TCHP: variants seen among roughly 807,000 people sequenced by gnomAD.
TCHP encodes the protein trichoplein keratin filament binding, also known as trichoplein keratin filament-binding protein.
A neutral mutation model predicts 88.7 loss-of-function variants in TCHP; 81 were observed. That is an observed-to-expected ratio of 0.91 (90% CI 0.76 to 1.10). The LOEUF (loss-of-function observed/expected upper bound fraction) is 1.10, where lower values mean the gene tolerates loss of function less well. Among genes scored for constraint, TCHP ranks in the 50% least tolerant of loss-of-function variants. The pLI is 0.00. For missense variants in TCHP, 641 were observed against 632.1 expected, an observed-to-expected ratio of 1.01 and a Z score of -0.15; for synonymous variants, 232 against 232.5, an observed-to-expected ratio of 1.00 and a Z score of 0.02.
chr12:109,901,533 TAA>T (rs2136065003), intron 1 of TCHP, among the ~76,000 whole-genome samples: 1 of 152,316 alleles, frequency 6.6e-6, no homozygotes, highest in East Asian at 1.9e-4. Flanking sequence ...AATTAACTGA[TAA>T]GGTACTGAAA....
At chr12:109,881,679 G>A in the TCHP span, among the ~76,000 whole-genome samples, 1 of 152,150 alleles carries the variant, frequency 6.6e-6, no homozygotes, top group Non-Finnish European at 1.5e-5. Flanking sequence ...AACAGCTGGA[G>A]CCAGCCCAGT....
the TCHP span, among the ~76,000 whole-genome samples, chr12:109,884,435 GC>G: frequency 6.6e-6 from 1 of 152,072 alleles, no homozygotes; most frequent in African/African-American, 2.4e-5. Flanking sequence ...TGATCCACCT[GC>G]CTCAGCCTCT....
Position 109,903,949 on chromosome 12 carries a change from T to C in TCHP, c.201T>C (p.Tyr67=), listed in dbSNP as rs1319226881. 9 of 1,607,446 alleles carry C rather than the reference T, an allele frequency of 5.6e-6. No homozygotes were observed. The highest frequency in any genetic ancestry group is 7.6e-6 in the Non-Finnish European group (9 of 1,177,648). Residue 67 remains tyrosine, a synonymous_variant, in exon 3 of 13, where the codon TAT becomes TAC. Coordinates refer to ENST00000405876, the MANE Select transcript of TCHP (RefSeq NM_001143852.2). This position sits in a 1 kb window ranked among gnomAD's most constrained non-coding sequence, Gnocchi z 4.6. Reference sequence around the variant, plus strand: ...CCCTCTCACCCAGCATGCATGCCTATCAGCGGGAGAAGATGAAGGAGGAGA... The same window carrying C: ...CCCTCTCACCCAGCATGCATGCCTACCAGCGGGAGAAGATGAAGGAGGAGA... ...KTSYQRSMHA[Y]QREKMKEEKR... is the part of the protein sequence containing the mutation.
rs749093678 is a variant in TCHP at position 109,906,632 on chromosome 12, A to G, written c.517A>G (p.Lys173Glu). The part of the protein sequence containing the change: ...VNSWEMQKEE[K>E]KQQEATAEQE... ...CTCTTGGGAAATGCAGAAAGAAGAAAAAAAACAGGTGTGGTATGTGGCTCT... is the reference window on the plus strand; with the variant it reads ...CTCTTGGGAAATGCAGAAAGAAGAAGAAAAACAGGTGTGGTATGTGGCTCT... Residue 173 changes from lysine (K) to glutamate (E), a missense_variant, in exon 5 of 13, where the codon AAA (lysine) becomes GAA (glutamate). By Grantham distance (56) the Lys-to-Glu change is moderately conservative. Transcript: ENST00000405876. 2.5e-6 allele frequency: 4 copies of G among 1,608,346 alleles called. No homozygotes were observed. The highest frequency in any genetic ancestry group is 2.2e-5 in the South Asian group (2 of 91,078).
In TCHP at chr12:109,903,818, GAC is replaced by G; in HGVS notation, c.189-115_189-114del. 1.3e-6 allele frequency: 1 copy of G among 793,554 alleles called. No individual in the cohort carries two copies. Among genetic ancestry groups the G allele is most frequent in the Non-Finnish European group, 2.1e-6 (1 of 476,684 alleles). 49.2% of individuals were successfully genotyped at this position (793,554 alleles called of 1,614,324 possible). A position where few individuals can be genotyped will look rare whatever the true frequency, so the allele number is the denominator to read the frequency against. On this transcript the variant is annotated intron_variant, in intron 2 of 12. Coordinates refer to ENST00000405876, the MANE Select transcript of TCHP (RefSeq NM_001143852.2). This position sits in a 1 kb window ranked among gnomAD's most constrained non-coding sequence, Gnocchi z 4.6. ...ACCTGCTGTCTCTGCTTTGGCTGGG[GAC>G]ACATTCCTGTGTCGTCATGACACAT...
At chr12:109,893,938 C>T in the TCHP span, among the ~76,000 whole-genome samples, 12 of 152,096 alleles carry the variant, frequency 7.9e-5, no homozygotes, top group South Asian at 8.3e-4. Flanking sequence ...AATTCCAGGA[C>T]TTTGGGAGGT....
intron 6 of TCHP, 95 bp downstream of exon 6, chr12:109,907,794 C>T (rs1870232336): frequency 3.6e-6 from 5 of 1,381,702 alleles, no homozygotes; most frequent in Middle Eastern, 5.2e-4. Context: ...GAGGCCATAG[C>T]AGGGCTGAGA....
chr12:109,903,141 C>A lies in TCHP; in HGVS notation c.115C>A (p.Arg39Ser). The A allele has an allele frequency of 6.2e-7, 1 of 1,613,942 alleles. No homozygotes were observed. The highest frequency in any genetic ancestry group is 8.5e-7 in the Non-Finnish European group (1 of 1,179,874). ...RLRQQWEQNS[R>S]YFRMSDICSS... ...TCGGCAGCAGTGGGAGCAGAACAGC[C>A]GTTACTTCAGGATGTCTGACATCTG... The change falls in exon 2 of 13, where the codon CGT becomes AGT. Residue 39 changes from arginine to serine, a missense_variant. Physicochemically the swap from Arg to Ser is moderately radical, Grantham distance 110 (BLOSUM62 -1). Transcript: ENST00000405876. The surrounding 1 kb of genome is among the most constrained non-coding windows in gnomAD (Gnocchi z 4.6).
intron 1 of TCHP, among the ~76,000 whole-genome samples, chr12:109,901,786 C>A (rs1396782730): frequency 6.6e-6 from 1 of 152,228 alleles, no homozygotes; most frequent in Non-Finnish European, 1.5e-5. Context: ...CCCTCCCCTT[C>A]CTAAACCAAA....
At chr12:109,915,228 T>C in intron 11 of TCHP, 175 bp from the exon 12 acceptor site, 3 of 796,954 alleles carry the variant, frequency 3.8e-6, no homozygotes, top group Non-Finnish European at 6.2e-6. Context: ...GTACACACCA[T>C]GCATACAGCC....
rs1249169516 is a variant in TCHP at position 109,904,125 on chromosome 12, C to T, written c.377C>T (p.Ala126Val). 2 of 1,577,746 alleles carry T rather than the reference C, an allele frequency of 1.3e-6. No homozygotes were observed. Among genetic ancestry groups the T allele is most frequent in the South Asian group, 1.2e-5 (1 of 86,264 alleles). ...GAGCAGCACGGGAAGCTGAAATCAG[C>T]CAAAGAAGAGCAGAGGAAACTGGTA... is the stretch of plus-strand genomic sequence containing the variant. ...IREQHGKLKS[A>V]KEEQRKLIAE... The change falls in exon 3 of 13, where the codon GCC becomes GTC. Residue 126 changes from alanine (A) to valine (V), a missense_variant. Transcript: ENST00000405876.
chr12:109,885,549 C>G, the TCHP span, among the ~76,000 whole-genome samples: 2 of 138,370 alleles, frequency 1.4e-5, no homozygotes, highest in Non-Finnish European at 3.0e-5. Flanking sequence ...GTGGCACAAT[C>G]TCGGCTCACT....
chr12:109,902,879 TTTTGTTTG>T, intron 1 of TCHP, 140 bp from the exon 2 acceptor site: 1 of 556,292 alleles, frequency 1.8e-6, no homozygotes, highest in Non-Finnish European at 3.0e-6. Flanking sequence ...TCAGACACGG[TTTTGTTTG>T]TTTGTTTGTT....
the TCHP span, among the ~76,000 whole-genome samples, chr12:109,884,017 C>A: frequency 6.6e-6 from 1 of 151,888 alleles, no homozygotes; most frequent in African/African-American, 2.4e-5. Context: ...GAACTGGGGG[C>A]CACATAGCCC....
At chr12:109,886,408 G>T in the TCHP span, among the ~76,000 whole-genome samples, 1 of 152,132 alleles carries the variant, frequency 6.6e-6, no homozygotes, top group African/African-American at 2.4e-5. Flanking sequence ...AAAGTGCTGG[G>T]ATTACAGGCG....
chr12:109,907,594 G>T lies in TCHP; in HGVS notation c.594G>T (p.Ala198=), dbSNP rs142930724. 3.1e-6 allele frequency: 5 copies of T among 1,614,134 alleles called. No homozygotes were observed. In the African/African-American group the frequency reaches 6.7e-5, roughly 22 times the overall value. The change falls in exon 6 of 13, where the codon GCG becomes GCT. Residue 198 remains alanine, a synonymous_variant. Coordinates refer to ENST00000405876, the MANE Select transcript of TCHP (RefSeq NM_001143852.2). ...ENEYERARRE[A]LERMKAEEER... ...AATATGAAAGGGCCCGAAGGGAGGC[G>T]CTAGAAAGGATGAAAGCTGAAGAGG...
chr12:109,909,156 A>G (rs1870337973), intron 8 of TCHP, among the ~76,000 whole-genome samples: 1 of 152,170 alleles, frequency 6.6e-6, no homozygotes, highest in African/African-American at 2.4e-5. Context: ...TATTCTTGAA[A>G]TTTGCTAAGA....
Position 109,916,589 on chromosome 12 carries a change from A to G in TCHP, c.1465-2A>G, listed in dbSNP as rs951792036. The G allele has an allele frequency of 1.9e-6, 3 of 1,612,814 alleles. No homozygotes were observed. Among genetic ancestry groups the G allele is most frequent in the Admixed American group, 3.3e-5 (2 of 59,768 alleles). On this transcript the variant is annotated splice_acceptor_variant, in intron 12 of 12. Coordinates refer to ENST00000405876, the MANE Select transcript of TCHP (RefSeq NM_001143852.2). LOFTEE classifies it high-confidence loss of function. ...ACTCTTATGTTTTCTTTCTTTTCTC[A>G]GCCTTACGGACATCCAAAAATTGCT...
In TCHP at chr12:109,917,979, CCT is replaced by C. The variant is rs1484053972; in HGVS notation, c.*1357_*1358del. 6.6e-6 allele frequency: 1 copy of C among 152,224 alleles called. No individual in the cohort carries two copies. Among genetic ancestry groups the C allele is most frequent in the South Asian group, 2.1e-4 (1 of 4,836 alleles). The allele number at this position is 152,224 out of a possible 1,614,324, so 9.4% of individuals were successfully genotyped here. The stretch of plus-strand genomic sequence containing the variant: ...TCTTGCAACTCTTTGACTCTGATCC[CCT>C]GAGCAGCACGTTCATCACGCATGCT... On this transcript the variant is annotated 3_prime_UTR_variant, in exon 13 of 13. Coordinates refer to ENST00000405876, the MANE Select transcript of TCHP (RefSeq NM_001143852.2).
Sources: allele counts gnomAD v4.1 joint callset (sites outside exome capture counted in the v4.1 genomes callset), GRCh38; gene constraint gnomAD v4.1.1; non-coding constraint Gnocchi (gnomAD v3.1); transcripts MANE v1.5; gene names NCBI Gene and HGNC (gene_info 2026-07-23, HGNC 2026-07-21).